MEGF9: variants seen among roughly 807,000 people sequenced by gnomAD.
MEGF9 encodes multiple epidermal growth factor-like domains protein 9.
Under a neutral mutation model 46.8 loss-of-function variants are expected in MEGF9, and 6 were observed. The ratio of observed to expected loss-of-function variants is 0.13; its 90% CI spans 0.07 to 0.25. MEGF9 has a LOEUF of 0.25. Ranked by LOEUF, MEGF9 falls within the 10% of genes least tolerant of loss-of-function variation. The pLI, the probability that MEGF9 is intolerant of heterozygous loss-of-function variation, is 1.00. For missense variants in MEGF9, 683 were observed against 792.4 expected (o/e 0.86, Z 1.66); for synonymous variants, 302 against 330.7 (o/e 0.91, Z 0.94).
intron 1 of MEGF9, among the ~76,000 whole-genome samples, chr9:120,706,610 G>A (rs1010691036): frequency 1.3e-5 from 2 of 152,210 alleles, no homozygotes; most frequent in Admixed American, 6.5e-5. Flanking sequence ...CAAGGTGGGT[G>A]GATTACTTGA....
At chr9:120,710,238 G>C (rs1440227570) in intron 1 of MEGF9, among the ~76,000 whole-genome samples, 1 of 151,730 alleles carries the variant, frequency 6.6e-6, no homozygotes, top group Non-Finnish European at 1.5e-5. Context: ...AGACCAGCCT[G>C]ACCAACATGG....
intron 2 of MEGF9, among the ~76,000 whole-genome samples, chr9:120,652,598 A>G (rs2043658586): frequency 1.3e-5 from 2 of 151,696 alleles, no homozygotes; most frequent in Non-Finnish European, 2.9e-5. Context: ...AGGCACACAC[A>G]CACACACACA....
chr9:120,621,934 C>T (rs2043501354), intron 3 of MEGF9, among the ~76,000 whole-genome samples: 1 of 152,184 alleles, frequency 6.6e-6, no homozygotes, highest in South Asian at 2.1e-4. Context: ...CCCTAAAAGA[C>T]TGTGAGAGAT....
In MEGF9 at chr9:120,714,219, G is replaced by T; in HGVS notation, c.140C>A (p.Ala47Asp). Reference sequence around the variant, plus strand: ...CGGCGACGCGTCCACCTGCCCCGCGGCCCCGCCGCCACCGGTGACATTCCC... The same window carrying T: ...CGGCGACGCGTCCACCTGCCCCGCGTCCCCGCCGCCACCGGTGACATTCCC... Reference protein sequence around the residue: ...SAGNVTGGGGAAGQVDASPGP... With the variant: ...SAGNVTGGGGDAGQVDASPGP... Residue 47 changes from alanine (A) to aspartate (D), a missense_variant, in exon 1 of 6, where the codon GCC becomes GAC. This residue lies in a region of MEGF9 where 370 missense variants were observed against 371.3 expected (regional missense o/e 1.00). Transcript: ENST00000373930. 1 of 1,236,498 alleles carries T rather than the reference G, an allele frequency of 8.1e-7. No homozygotes were observed. Among genetic ancestry groups the T allele is most frequent in the African/African-American group, 1.6e-5 (1 of 64,054 alleles). The allele number at this position is 1,236,498 out of a possible 1,614,324, so 76.6% of individuals were successfully genotyped here.
chr9:120,603,632 T>G lies in MEGF9; in HGVS notation c.*1558A>C, dbSNP rs2043407056. 6.6e-6 allele frequency: 1 copy of G among 152,212 alleles called. No individual in the cohort carries two copies. The highest frequency in any genetic ancestry group is 2.4e-5 in the African/African-American group (1 of 41,448). 9.4% of individuals were successfully genotyped at this position (152,212 alleles called of 1,614,324 possible). A position where few individuals can be genotyped will look rare whatever the true frequency, so the allele number is the denominator to read the frequency against. ...TCACTGTTCCTCCTAATAAGTTATA[T>G]TTAACATCTGACCACCTTTCCCACC... is the stretch of plus-strand genomic sequence containing the variant. On this transcript the variant is annotated 3_prime_UTR_variant, in exon 6 of 6. Coordinates refer to ENST00000373930, the MANE Select transcript of MEGF9 (RefSeq NM_001080497.3).
Position 120,658,311 on chromosome 9 carries a change from A to G in MEGF9, c.803+1063T>C, listed in dbSNP as rs1372107943. On this transcript the variant is annotated intron_variant, in intron 2 of 5. Transcript: ENST00000373930. ...CTCTTCTACATTTTTAATAAACTAC[A>G]ATATGATACAATATTCCATAACAGT... Among the ~76,000 whole-genome samples the G allele has an allele frequency of 2.0e-5, 3 of 152,186 alleles. No individual in the cohort carries two copies. The East Asian group carries it at 5.8e-4, about 29-fold the overall frequency.
At chr9:120,610,838 A>G (rs1038442230) in intron 4 of MEGF9, among the ~76,000 whole-genome samples, 2 of 152,210 alleles carry the variant, frequency 1.3e-5, no homozygotes, top group African/African-American at 4.8e-5. Context: ...ACCACAAAAT[A>G]GAAAAAATAT....
At chr9:120,611,333 T>A (rs2043444080) in intron 4 of MEGF9, among the ~76,000 whole-genome samples, 1 of 152,046 alleles carries the variant, frequency 6.6e-6, no homozygotes. Flanking sequence ...AGCTAAAAAG[T>A]GGAAACAACA....
At chr9:120,709,580 C>A in intron 1 of MEGF9, among the ~76,000 whole-genome samples, 1 of 152,144 alleles carries the variant, frequency 6.6e-6, no homozygotes, top group East Asian at 1.9e-4. Flanking sequence ...TGTCATGGCA[C>A]AGAGACAGCC....
chr9:120,650,347 A>G (rs1457272866), intron 2 of MEGF9, among the ~76,000 whole-genome samples: 1 of 152,264 alleles, frequency 6.6e-6, no homozygotes, highest in African/African-American at 2.4e-5. Flanking sequence ...TGATTTCTCT[A>G]TTCATTTATT....
intron 1 of MEGF9, among the ~76,000 whole-genome samples, chr9:120,690,646 T>C (rs1418350723): frequency 6.6e-6 from 1 of 152,088 alleles, no homozygotes; most frequent in African/African-American, 2.4e-5. Context: ...GCAACCAATA[T>C]CCTGGAATTT....
chr9:120,645,339 T>C (rs1415688783), intron 2 of MEGF9, among the ~76,000 whole-genome samples: 3 of 152,312 alleles, frequency 2.0e-5, no homozygotes, highest in Non-Finnish European at 2.9e-5. Flanking sequence ...CTTGAAAGAA[T>C]GTGGCATTAA....
intron 1 of MEGF9, among the ~76,000 whole-genome samples, chr9:120,683,174 G>A (rs993349282): frequency 6.6e-6 from 1 of 152,150 alleles, no homozygotes; most frequent in Non-Finnish European, 1.5e-5. Context: ...AAAATCACCT[G>A]GAGAGTACAG....
At chr9:120,618,177 G>C (rs2043480589) in intron 3 of MEGF9, among the ~76,000 whole-genome samples, 1 of 152,118 alleles carries the variant, frequency 6.6e-6, no homozygotes, top group South Asian at 2.1e-4. Context: ...TTAAATCCAG[G>C]GGACTGAATG....
rs747082382 is a variant in MEGF9 at position 120,604,464 on chromosome 9, A to G, written c.*726T>C. The stretch of plus-strand genomic sequence containing the variant: ...ACCAGATATGCTACATTAACTATGT[A>G]CACCTTATTTCTCTAGAGGCAGGAA... On this transcript the variant is annotated 3_prime_UTR_variant, in exon 6 of 6. Coordinates refer to ENST00000373930, the MANE Select transcript of MEGF9 (RefSeq NM_001080497.3). 2.0e-5 allele frequency: 3 copies of G among 152,688 alleles called. No individual in the cohort carries two copies. Among genetic ancestry groups the G allele is most frequent in the Admixed American group, 2.0e-4 (3 of 15,282 alleles). The allele number at this position is 152,688 out of a possible 1,614,324, so 9.5% of individuals were successfully genotyped here.
intron 2 of MEGF9, among the ~76,000 whole-genome samples, chr9:120,656,451 G>A (rs1016636808): frequency 4.7e-5 from 7 of 149,650 alleles, no homozygotes; most frequent in Non-Finnish European, 8.9e-5. Context: ...GGAGCCTCAG[G>A]CAGGAGAATG....
At chr9:120,625,334 T>C (rs1564414805) in intron 2 of MEGF9, among the ~76,000 whole-genome samples, 1 of 152,218 alleles carries the variant, frequency 6.6e-6, no homozygotes, top group Non-Finnish European at 1.5e-5. Flanking sequence ...CAAATCAGTT[T>C]CCCTAAGTAT....
chr9:120,675,012 G>A (rs1362161573), intron 1 of MEGF9, among the ~76,000 whole-genome samples: 2 of 151,836 alleles, frequency 1.3e-5, no homozygotes, highest in Non-Finnish European at 2.9e-5. Context: ...CCGAGTAGCT[G>A]GGACCACAGG....
rs146669450 is a variant in MEGF9 at position 120,711,840 on chromosome 9, T to TACACACACACACACAC, written c.601+1917_601+1918insGTGTGTGTGTGTGTGT. 7.1e-3 allele frequency among the ~76,000 whole-genome samples: 983 copies of TACACACACACACACAC among 139,136 alleles called. 8 individuals carry two copies. Among genetic ancestry groups the TACACACACACACACAC allele is most frequent in the African/African-American group, 0.022 (760 of 35,174 alleles). 91.3% of individuals were successfully genotyped at this position (139,136 alleles called of 152,430 possible). On this transcript the variant is annotated intron_variant, in intron 1 of 5. Coordinates refer to ENST00000373930, the MANE Select transcript of MEGF9 (RefSeq NM_001080497.3). ...TTCTCAAATGCTTTCTATACATACA[T>TACACACACACACACAC]ACATACACACACACACACACACACA...
Sources: gnomAD v4.1 joint callset for allele counts (sites outside exome capture counted in the v4.1 genomes callset) on GRCh38, gnomAD v4.1.1 for gene constraint, gnomAD v4.1.1 regional missense constraint, MANE v1.5 for transcripts, NCBI Gene and HGNC (gene_info 2026-07-23, HGNC 2026-07-21) for gene names.